WDFY3: variants seen among roughly 807,000 people sequenced by gnomAD.
WDFY3 encodes the protein WD repeat and FYVE domain containing 3.
Under a neutral mutation model 409.6 loss-of-function variants are expected in WDFY3, and 66 were observed. The ratio of observed to expected loss-of-function variants is 0.16; its 90% CI spans 0.13 to 0.20. WDFY3 has a LOEUF of 0.20. WDFY3 is among the 10% of genes least tolerant of loss of function. WDFY3 has a pLI of 1.00. For synonymous variants in WDFY3, 1,521 were observed against 1,537.1 expected (o/e 0.99, Z 0.25); for missense variants, 3,031 against 4,298.1 (o/e 0.71, Z 8.24).
chr4:84,921,488 C>G (rs1769264100), intron 2 of WDFY3, among the ~76,000 whole-genome samples: 2 of 151,700 alleles, frequency 1.3e-5, no homozygotes, highest in South Asian at 4.2e-4. Flanking sequence ...CTCAATTATT[C>G]CTAATGAAAT....
Position 84,829,065 on chromosome 4 carries a change from T to G in WDFY3, c.895A>C (p.Thr299Pro). 1.2e-6 allele frequency: 2 copies of G among 1,613,800 alleles called. No individual in the cohort carries two copies. Among genetic ancestry groups the G allele is most frequent in the Non-Finnish European group, 1.7e-6 (2 of 1,179,822 alleles). Residue 299 changes from threonine to proline, a missense_variant, in exon 9 of 68, where the codon ACA (threonine) becomes CCA (proline). By Grantham distance (38) the Thr-to-Pro change is conservative (BLOSUM62 -1). Transcript: ENST00000295888. ...FLKDSSDVSQ[T>P]LLDDFRIWQG... Reference sequence around the variant, plus strand: ...CATATCCGAAAATCATCCAGAAGTGTTTGGGAAACATCGCTGGAATCTTTG... The same window carrying G: ...CATATCCGAAAATCATCCAGAAGTGGTTGGGAAACATCGCTGGAATCTTTG...
At chr4:84,822,107 T>C (rs980420399) in intron 10 of WDFY3, among the ~76,000 whole-genome samples, 1 of 152,142 alleles carries the variant, frequency 6.6e-6, no homozygotes, top group Non-Finnish European at 1.5e-5. Flanking sequence ...ATATAGACAT[T>C]TGTTAAAGTA....
intron 25 of WDFY3, among the ~76,000 whole-genome samples, chr4:84,781,224 A>G (rs1334726826): frequency 9.9e-6 from 1 of 101,410 alleles, no homozygotes; most frequent in African/African-American, 7.1e-5. Context: ...TGTGCCAATT[A>G]AAAAAAAAAA....
At chr4:84,925,178 A>T (rs1239974102) in intron 2 of WDFY3, among the ~76,000 whole-genome samples, 1 of 152,192 alleles carries the variant, frequency 6.6e-6, no homozygotes, top group African/African-American at 2.4e-5. Flanking sequence ...CAGTGCCATA[A>T]GCATTTCCTT....
intron 1 of WDFY3, among the ~76,000 whole-genome samples, chr4:84,951,325 C>T (rs879449433): frequency 1.6e-4 from 25 of 152,224 alleles, no homozygotes; most frequent in Non-Finnish European, 2.9e-4. Flanking sequence ...CTGCTGTTCA[C>T]AGACATGCTT....
intron 2 of WDFY3, among the ~76,000 whole-genome samples, chr4:84,924,246 T>C (rs967385476): frequency 2.0e-5 from 3 of 152,260 alleles, no homozygotes; most frequent in African/African-American, 7.2e-5. Flanking sequence ...TTCTAGCGTT[T>C]ACAATATTTC....
At chr4:84,758,263 A>T (rs568773606) in intron 32 of WDFY3, among the ~76,000 whole-genome samples, 1 of 152,060 alleles carries the variant, frequency 6.6e-6, no homozygotes, top group South Asian at 2.1e-4. Context: ...TTTATTCTTT[A>T]AGATCTGAGG....
At chr4:84,926,910 C>T (rs1171116711) in intron 2 of WDFY3, among the ~76,000 whole-genome samples, 2 of 152,172 alleles carry the variant, frequency 1.3e-5, no homozygotes, top group Admixed American at 6.5e-5. Context: ...CAGTCCACTA[C>T]AGGCATACCA....
intron 3 of WDFY3, among the ~76,000 whole-genome samples, chr4:84,892,258 C>A (rs1263224505): frequency 6.6e-6 from 1 of 151,328 alleles, no homozygotes; most frequent in East Asian, 1.9e-4. Flanking sequence ...TTAAGTTATT[C>A]TTTAACTGTC....
chr4:84,725,433 T>C (rs1190652714), intron 45 of WDFY3, among the ~76,000 whole-genome samples: 1 of 152,166 alleles, frequency 6.6e-6, no homozygotes, highest in Non-Finnish European at 1.5e-5. Context: ...GCCTTTATTC[T>C]CAAAACAGGT....
At position 84,794,751 on chromosome 4, in the gene WDFY3, T is replaced by TA. The variant is rs753540904; in HGVS notation, c.3269-15dup. On this transcript the variant is annotated splice_polypyrimidine_tract_variant and intron_variant, in intron 20 of 67. Transcript: ENST00000295888. ...AGAATCTTTCACCTACAGTAAAAAT[T>TA]AAAAAAAAAAGTCTGTGTTGATTAA... The TA allele has an allele frequency of 5.3e-4, 780 of 1,470,348 alleles. No homozygotes were observed. The highest frequency in any genetic ancestry group is 1.2e-3 in the South Asian group (91 of 76,348). The allele number at this position is 1,470,348 out of a possible 1,614,324, so 91.1% of individuals were successfully genotyped here.
At chr4:84,944,890 T>A (rs1772613534) in intron 1 of WDFY3, among the ~76,000 whole-genome samples, 1 of 152,196 alleles carries the variant, frequency 6.6e-6, no homozygotes, top group Admixed American at 6.5e-5. Flanking sequence ...TATTATTACT[T>A]CTGTAGTAGA....
In WDFY3 at chr4:84,817,565, C is replaced by T; in HGVS notation, c.1714G>A (p.Gly572Ser). 1 of 1,595,364 alleles carries T rather than the reference C, an allele frequency of 6.3e-7. No homozygotes were observed. The highest frequency in any genetic ancestry group is 8.5e-7 in the Non-Finnish European group (1 of 1,170,480). ...ACTATATTATGTGCACATCTTGCAC[C>T]TCCAAATTCTCGAAAAATTCCTTGA... Reference protein sequence around the residue: ...TNAGIFREFGGARCAHNIVKY... With the variant: ...TNAGIFREFGSARCAHNIVKY... Residue 572 changes from glycine (G) to serine (S), a missense_variant, in exon 13 of 68, where the codon GGT becomes AGT. Gly to Ser is a moderately conservative substitution (Grantham distance 56). This residue lies in a region of WDFY3 where 1,322 missense variants were observed against 1,697.9 expected (regional missense o/e 0.78). Coordinates refer to ENST00000295888, the MANE Select transcript of WDFY3 (RefSeq NM_014991.6).
At chr4:84,735,313 C>A (rs988408383) in intron 42 of WDFY3, among the ~76,000 whole-genome samples, 193 bp from the exon 43 acceptor site, 1 of 152,196 alleles carries the variant, frequency 6.6e-6, no homozygotes. Context: ...TCTCCCACCC[C>A]CAAAGCCCCT....
chr4:84,799,507 G>A, intron 17 of WDFY3, among the ~76,000 whole-genome samples: 1 of 151,900 alleles, frequency 6.6e-6, no homozygotes, highest in East Asian at 1.9e-4. Flanking sequence ...TTTCCTCCAG[G>A]AAGCCTGCTT....
At chr4:84,866,512 G>C (rs898803747) in intron 3 of WDFY3, among the ~76,000 whole-genome samples, 4 of 152,246 alleles carry the variant, frequency 2.6e-5, no homozygotes, top group Admixed American at 6.5e-5. Context: ...TAGATGGAAG[G>C]GGAAAGTGCC....
At position 84,831,614 on chromosome 4, in the gene WDFY3, T is replaced by C. The variant is rs371333205; in HGVS notation, c.577-9A>G. On this transcript the variant is annotated splice_polypyrimidine_tract_variant and intron_variant, in intron 7 of 67. Transcript: ENST00000295888. ...CACAGTTTCACTAAGATCTAAAAAA[T>C]AAAACAAAACAAAACAAGAGTGTAT... The C allele has an allele frequency of 2.5e-6, 4 of 1,593,264 alleles. No individual in the cohort carries two copies. Among genetic ancestry groups the C allele is most frequent in the South Asian group, 1.1e-5 (1 of 88,430 alleles).
chr4:84,872,723 A>C (rs1029109423), intron 3 of WDFY3, among the ~76,000 whole-genome samples: 8 of 152,198 alleles, frequency 5.3e-5, no homozygotes, highest in African/African-American at 1.9e-4. Flanking sequence ...TAGACAATAT[A>C]GTATCTATAT....
chr4:84,802,245 C>T (rs1750717450), intron 16 of WDFY3, among the ~76,000 whole-genome samples: 1 of 150,680 alleles, frequency 6.6e-6, no homozygotes, highest in South Asian at 2.1e-4. Context: ...CCGCACCCGG[C>T]AGAAGCATAC....
Sources: allele counts gnomAD v4.1 joint callset (sites outside exome capture counted in the v4.1 genomes callset), GRCh38; gene constraint gnomAD v4.1.1; regional missense constraint gnomAD v4.1.1; transcripts MANE v1.5; gene names NCBI Gene and HGNC (gene_info 2026-07-23, HGNC 2026-07-21).